Variants in KCNQ1OT1 observed in about 807,000 individuals in gnomAD.
KCNQ1OT1 encodes KCNQ1 opposite strand/antisense transcript 1.
At chr11:2,684,123 G>C in exon 1 of KCNQ1OT1, 1 of 398,542 alleles carries the variant, frequency 2.5e-6, no homozygotes, top group Admixed American at 4.4e-5. Flanking sequence ...ATTCTTAAGG[G>C]GACCGTTTCC....
rs925659779 is a variant in KCNQ1OT1 at position 2,619,993 on chromosome 11, G to A, written n.80002C>T. On this transcript the variant is annotated non_coding_transcript_exon_variant, in exon 1 of 1. Transcript: ENST00000597346. Reference sequence around the variant, plus strand: ...AGGTAGTGAGCATAGTACCCAATAGGTAGGTTTTCAGCCCACCTCTCCATT... The same window carrying A: ...AGGTAGTGAGCATAGTACCCAATAGATAGGTTTTCAGCCCACCTCTCCATT... 43 of 398,130 alleles carry A rather than the reference G, an allele frequency of 1.1e-4. No individual in the cohort carries two copies. The Middle Eastern group carries it at 1.9e-3, about 17-fold the overall frequency. The allele number at this position is 398,130 out of a possible 1,614,324, so 24.7% of individuals were successfully genotyped here. A position where few individuals can be genotyped will look rare whatever the true frequency, so the allele number is the denominator to read the frequency against.
rs893798082 is a variant in KCNQ1OT1, at chr11:2,645,020, T to C, written n.54975A>G. ...GTGTTAGCAAGTCCAGGGAAACCAATTTTGGGCCTCCAGGCAACTTGCTCA... is the reference window on the plus strand; with the variant it reads ...GTGTTAGCAAGTCCAGGGAAACCAACTTTGGGCCTCCAGGCAACTTGCTCA... On this transcript the variant is annotated non_coding_transcript_exon_variant, in exon 1 of 1. Coordinates refer to ENST00000597346, the Ensembl canonical transcript of KCNQ1OT1. This position sits in a 1 kb window ranked among gnomAD's most constrained non-coding sequence, Gnocchi z 5.8. 5.5e-4 allele frequency: 218 copies of C among 398,584 alleles called. No individual in the cohort carries two copies. The highest frequency in any genetic ancestry group is 3.7e-3 in the African/African-American group (179 of 48,604). 24.7% of individuals were successfully genotyped at this position (398,584 alleles called of 1,614,324 possible).
At chr11:2,688,740 C>T in exon 1 of KCNQ1OT1, 2 of 398,932 alleles carry the variant, frequency 5.0e-6, no homozygotes, top group Admixed American at 8.8e-5. Flanking sequence ...CTCTGAGCTG[C>T]TGCTGGTTAC....
exon 1 of KCNQ1OT1, chr11:2,619,409 T>C: frequency 5.0e-6 from 2 of 398,582 alleles, no homozygotes; most frequent in East Asian, 3.6e-5. Flanking sequence ...CAAATACTTT[T>C]TGTGTGTCAA....
At position 2,626,887 on chromosome 11, in the gene KCNQ1OT1, A is replaced by G. The variant is rs77179392; in HGVS notation, n.73108T>C. ...TCCAATGTTGTTCATCATTTTCAAGAATGTTTTAGCTATTCAAGGTCCCTT... is the reference window on the plus strand; with the variant it reads ...TCCAATGTTGTTCATCATTTTCAAGGATGTTTTAGCTATTCAAGGTCCCTT... On this transcript the variant is annotated non_coding_transcript_exon_variant, in exon 1 of 1. Coordinates refer to ENST00000597346, the Ensembl canonical transcript of KCNQ1OT1. This position sits in a 1 kb window ranked among gnomAD's most constrained non-coding sequence, Gnocchi z 4.0. 681 of 398,544 alleles carry G rather than the reference A, an allele frequency of 1.7e-3. 8 individuals carry two copies. In the East Asian group the frequency reaches 0.018, roughly 11 times the overall value. 24.7% of individuals were successfully genotyped at this position (398,544 alleles called of 1,614,324 possible).
At position 2,651,591 on chromosome 11, in the gene KCNQ1OT1, C is replaced by T. The variant is rs231349; in HGVS notation, n.48404G>A. On this transcript the variant is annotated non_coding_transcript_exon_variant, in exon 1 of 1. Coordinates refer to ENST00000597346, the Ensembl canonical transcript of KCNQ1OT1. The surrounding 1 kb of genome is among the most constrained non-coding windows in gnomAD (Gnocchi z 6.1). Reference sequence around the variant, plus strand: ...ACCTCCATGTCTCCAGTGCCTGCCACATAGCAGGTCCTCCAAGATTTGCTG... The same window carrying T: ...ACCTCCATGTCTCCAGTGCCTGCCATATAGCAGGTCCTCCAAGATTTGCTG... 0.11 allele frequency: 42,435 copies of T among 398,602 alleles called. 2,403 individuals carry two copies. The highest frequency in any genetic ancestry group is 0.15 in the Middle Eastern group (243 of 1,590). 24.7% of individuals were successfully genotyped at this position (398,602 alleles called of 1,614,324 possible). A position where few individuals can be genotyped will look rare whatever the true frequency, so the allele number is the denominator to read the frequency against.
In KCNQ1OT1 at chr11:2,679,602, C is replaced by T. The variant is rs573982383; in HGVS notation, n.20393G>A. The T allele has an allele frequency of 2.5e-5, 10 of 398,342 alleles. No individual in the cohort carries two copies. Among genetic ancestry groups the T allele is most frequent in the East Asian group, 1.1e-4 (3 of 28,086 alleles). 24.7% of individuals were successfully genotyped at this position (398,342 alleles called of 1,614,324 possible). A position where few individuals can be genotyped will look rare whatever the true frequency, so the allele number is the denominator to read the frequency against. ...GTGCCTGACAAAGCTGATGGGGAGG[C>T]GAGTTGGAATGAATAGTATCAGCAT... On this transcript the variant is annotated non_coding_transcript_exon_variant, in exon 1 of 1. Transcript: ENST00000597346. This position sits in a 1 kb window ranked among gnomAD's most constrained non-coding sequence, Gnocchi z 4.8.
At position 2,660,193 on chromosome 11, in the gene KCNQ1OT1, T is replaced by A. The variant is rs1266763067; in HGVS notation, n.39802A>T. 2.5e-5 allele frequency: 10 copies of A among 398,410 alleles called. No individual in the cohort carries two copies. In the East Asian group the frequency reaches 3.6e-4, roughly 14 times the overall value. 24.7% of individuals were successfully genotyped at this position (398,410 alleles called of 1,614,324 possible). ...GGTTTTATGTTTTATTTTAGATTTT[T>A]TTTCAGTAAGTTTGTATGTAGTACC... is the stretch of plus-strand genomic sequence containing the variant. On this transcript the variant is annotated non_coding_transcript_exon_variant, in exon 1 of 1. Coordinates refer to ENST00000597346, the Ensembl canonical transcript of KCNQ1OT1.
At chr11:2,633,240 T>G in exon 1 of KCNQ1OT1, 1 of 398,546 alleles carries the variant, frequency 2.5e-6, no homozygotes, top group Non-Finnish European at 4.4e-6. Context: ...TAATCTGGTG[T>G]TTTTTGCTGT....
chr11:2,625,506 TAAAC>T (rs1849247771), exon 1 of KCNQ1OT1: 1 of 398,486 alleles, frequency 2.5e-6, no homozygotes, highest in African/African-American at 2.1e-5. Context: ...CTAGAGATGT[TAAAC>T]AACTTTTCAC....
In KCNQ1OT1 at chr11:2,621,578, G is replaced by A. The variant is rs7937711; in HGVS notation, n.78417C>T. 21,170 of 398,282 alleles carry A rather than the reference G, an allele frequency of 0.053. 1,321 individuals are homozygous for A. Among genetic ancestry groups the A allele is most frequent in the African/African-American group, 0.2 (9,855 of 48,624 alleles). 24.7% of individuals were successfully genotyped at this position (398,282 alleles called of 1,614,324 possible). On this transcript the variant is annotated non_coding_transcript_exon_variant, in exon 1 of 1. Transcript: ENST00000597346. This position sits in a 1 kb window ranked among gnomAD's most constrained non-coding sequence, Gnocchi z 5.7. Reference sequence around the variant, plus strand: ...ACTGTGATCTCTTTGCTATTGGTCTGTTCAGGCTTTCTATTCCTGATTTAA... The same window carrying A: ...ACTGTGATCTCTTTGCTATTGGTCTATTCAGGCTTTCTATTCCTGATTTAA...
exon 1 of KCNQ1OT1, chr11:2,614,132 G>T (rs1849023029): frequency 1.5e-5 from 6 of 398,348 alleles, no homozygotes; most frequent in Admixed American, 4.4e-5. Context: ...TTCCTACCAT[G>T]TCTCTGAGAT....
At chr11:2,686,950 G>T (rs1257388425) in exon 1 of KCNQ1OT1, 6 of 398,690 alleles carry the variant, frequency 1.5e-5, no homozygotes, top group Non-Finnish European at 2.7e-5. Context: ...AGCATGCCCA[G>T]CTTACCATCC....
chr11:2,659,718 CAT>C lies in KCNQ1OT1; in HGVS notation n.40275_40276del, dbSNP rs1163509015. The C allele has an allele frequency of 2.5e-6, 1 of 398,380 alleles. No homozygotes were observed. Among genetic ancestry groups the C allele is most frequent in the Non-Finnish European group, 4.4e-6 (1 of 226,016 alleles). 24.7% of individuals were successfully genotyped at this position (398,380 alleles called of 1,614,324 possible). A position where few individuals can be genotyped will look rare whatever the true frequency, so the allele number is the denominator to read the frequency against. On this transcript the variant is annotated non_coding_transcript_exon_variant, in exon 1 of 1. Coordinates refer to ENST00000597346, the Ensembl canonical transcript of KCNQ1OT1. This position sits in a 1 kb window ranked among gnomAD's most constrained non-coding sequence, Gnocchi z 4.3. ...TGCCATTTTGCATTCCCACCAGTAA[CAT>C]ATGAGAGTTCTACATGTTCCACATC...
chr11:2,666,314 C>A (rs1008121588), exon 1 of KCNQ1OT1: 4 of 398,556 alleles, frequency 1.0e-5, no homozygotes, highest in Non-Finnish European at 1.8e-5. Flanking sequence ...GCTGCAGAGA[C>A]CCCCACCAGG....
chr11:2,693,669 A>T lies in KCNQ1OT1; in HGVS notation n.6326T>A, dbSNP rs187279231. On this transcript the variant is annotated non_coding_transcript_exon_variant, in exon 1 of 1. Coordinates refer to ENST00000597346, the Ensembl canonical transcript of KCNQ1OT1. ...GAGAAAGGCTTTTAGTTCCGCAGAC[A>T]GAGCAGCCAGAGACTGGGTGCGCTC... 3.8e-3 allele frequency: 1,501 copies of T among 398,650 alleles called. 26 individuals carry two copies. Among genetic ancestry groups the T allele is most frequent in the Non-Finnish European group, 3.5e-4 (79 of 226,084 alleles). 24.7% of individuals were successfully genotyped at this position (398,650 alleles called of 1,614,324 possible).
At position 2,652,621 on chromosome 11, in the gene KCNQ1OT1, G is replaced by A; in HGVS notation, n.47374C>T. The A allele has an allele frequency of 2.5e-6, 1 of 398,572 alleles. No homozygotes were observed. The highest frequency in any genetic ancestry group is 4.4e-6 in the Non-Finnish European group (1 of 226,090). The allele number at this position is 398,572 out of a possible 1,614,324, so 24.7% of individuals were successfully genotyped here. On this transcript the variant is annotated non_coding_transcript_exon_variant, in exon 1 of 1. Coordinates refer to ENST00000597346, the Ensembl canonical transcript of KCNQ1OT1. The surrounding 1 kb of genome is among the most constrained non-coding windows in gnomAD (Gnocchi z 5.9). ...GAACCTTCCCCTGAAAATGTGTCTT[G>A]GGAGACCTAGACAGTGACTTCCTGC...
chr11:2,629,937 G>A, exon 1 of KCNQ1OT1: 1 of 398,322 alleles, frequency 2.5e-6, no homozygotes. Context: ...CAATTCCTCT[G>A]GCTAGGACTT....
chr11:2,697,372 C>T, exon 1 of KCNQ1OT1: 2 of 398,626 alleles, frequency 5.0e-6, no homozygotes, highest in Non-Finnish European at 4.4e-6. Context: ...CTGATCCTCA[C>T]ATCCCCATTT....
Sources: allele counts gnomAD v4.1 joint callset, GRCh38; gene constraint gnomAD v4.1.1; non-coding constraint Gnocchi (gnomAD v3.1); transcripts MANE v1.5; gene names NCBI Gene and HGNC (gene_info 2026-07-23, HGNC 2026-07-21).